Variants in PTPRD observed in about 807,000 individuals in gnomAD.
PTPRD encodes protein tyrosine phosphatase receptor type D, also known as receptor-type tyrosine-protein phosphatase delta.
Under a neutral mutation model 214.5 loss-of-function variants are expected in PTPRD, and 34 were observed. That is an observed-to-expected ratio of 0.16 (90% CI 0.12 to 0.21). The LOEUF is 0.21. PTPRD is among the 10% of genes least tolerant of loss of function. PTPRD has a pLI of 1.00. For synonymous variants in PTPRD, 1,128 were observed against 845.7 expected (o/e 1.33, Z -5.79); for missense variants, 2,545 against 2,398.7 (o/e 1.06, Z -1.27).
At chr9:10,226,842 G>A (rs1323214511) in intron 3 of PTPRD, among the ~76,000 whole-genome samples, 2 of 151,858 alleles carry the variant, frequency 1.3e-5, no homozygotes, top group Non-Finnish European at 2.9e-5. Flanking sequence ...ACGTCTAATT[G>A]CCTGTATATA....
chr9:9,647,869 C>A (rs1033290099), intron 7 of PTPRD, among the ~76,000 whole-genome samples: 1 of 152,136 alleles, frequency 6.6e-6, no homozygotes, highest in African/African-American at 2.4e-5. Context: ...TTCTCAAAAC[C>A]CTAAGATCAA....
intron 8 of PTPRD, among the ~76,000 whole-genome samples, chr9:9,566,301 T>C (rs1392720210): frequency 1.3e-5 from 2 of 152,012 alleles, no homozygotes; most frequent in African/African-American, 2.4e-5. Context: ...CTGTGATATA[T>C]ATGAAGGTAA....
intron 12 of PTPRD, among the ~76,000 whole-genome samples, chr9:8,666,017 C>A (rs1296283454): frequency 2.7e-5 from 4 of 149,922 alleles, no homozygotes; most frequent in Non-Finnish European, 3.0e-5. Context: ...ATTATTACTG[C>A]ACATTTAGGC....
chr9:9,051,295 G>A (rs1443352690), intron 10 of PTPRD, among the ~76,000 whole-genome samples: 1 of 152,088 alleles, frequency 6.6e-6, no homozygotes, highest in African/African-American at 2.4e-5. Flanking sequence ...TAAACCTGAA[G>A]GTGGTTATTT....
chr9:10,387,781 A>G (rs1459697430), intron 2 of PTPRD, among the ~76,000 whole-genome samples: 2 of 143,500 alleles, frequency 1.4e-5, no homozygotes, highest in Admixed American at 1.4e-4. Flanking sequence ...CATTACTGAT[A>G]CCTGTTGAAT....
chr9:9,163,959 G>T (rs2099896069), intron 10 of PTPRD, among the ~76,000 whole-genome samples: 1 of 152,062 alleles, frequency 6.6e-6, no homozygotes, highest in Non-Finnish European at 1.5e-5. Context: ...TCCTCAGAAA[G>T]CCCTCCTGAA....
chr9:9,067,068 C>T (rs935206469), intron 10 of PTPRD, among the ~76,000 whole-genome samples: 1 of 152,252 alleles, frequency 6.6e-6, no homozygotes, highest in African/African-American at 2.4e-5. Context: ...CATGGCAAAA[C>T]CCTATCTCTA....
At chr9:8,974,242 A>G (rs1014697617) in intron 11 of PTPRD, among the ~76,000 whole-genome samples, 1 of 152,042 alleles carries the variant, frequency 6.6e-6, no homozygotes, top group African/African-American at 2.4e-5. Context: ...AAAGGTAAAG[A>G]TCTAATTTCA....
chr9:9,923,109 C>T (rs945465708), intron 5 of PTPRD, among the ~76,000 whole-genome samples: 3 of 124,194 alleles, frequency 2.4e-5, no homozygotes, highest in Non-Finnish European at 4.7e-5. Flanking sequence ...AAAAAAAGGA[C>T]TGTGTGTGTG....
intron 4 of PTPRD, among the ~76,000 whole-genome samples, chr9:10,028,363 G>C (rs10958829): frequency 0.14 from 21,933 of 152,100 alleles, 2,053 homozygotes; most frequent in African/African-American, 0.25. Context: ...CAGTAGAGTG[G>C]AGCGCTGCTG....
chr9:8,321,811 T>C (rs1258224668), intron 44 of PTPRD, among the ~76,000 whole-genome samples: 2 of 152,002 alleles, frequency 1.3e-5, no homozygotes, highest in Non-Finnish European at 2.9e-5. Context: ...AATATGGGTA[T>C]ACACTGTTTT....
chr9:10,562,909 T>C (rs1002056931), intron 2 of PTPRD, among the ~76,000 whole-genome samples: 1 of 152,176 alleles, frequency 6.6e-6, no homozygotes, highest in Non-Finnish European at 1.5e-5. Flanking sequence ...AAGCCATATA[T>C]AGATACCCAG....
intron 7 of PTPRD, among the ~76,000 whole-genome samples, chr9:9,681,099 A>T (rs2097059378): frequency 6.6e-6 from 1 of 151,902 alleles, no homozygotes; most frequent in African/African-American, 2.4e-5. Flanking sequence ...TGTTAGAGTC[A>T]AATAAATATT....
chr9:8,656,126 C>T (rs1349547348), intron 12 of PTPRD, among the ~76,000 whole-genome samples: 1 of 152,124 alleles, frequency 6.6e-6, no homozygotes, highest in Non-Finnish European at 1.5e-5. Flanking sequence ...CCAACAGCCC[C>T]CCACAACTGA....
rs1436808095 is a variant in PTPRD, at chr9:8,518,349, G to A, written c.1042C>T (p.Pro348Ser). 1.2e-6 allele frequency: 2 copies of A among 1,614,052 alleles called. No homozygotes were observed. Among genetic ancestry groups the A allele is most frequent in the Non-Finnish European group, 1.7e-6 (2 of 1,179,994 alleles). The change falls in exon 21 of 46, where the codon CCT becomes TCT. Residue 348 changes from proline (P) to serine (S), a missense_variant. Pro to Ser is a moderately conservative substitution (Grantham distance 74). Coordinates refer to ENST00000381196, the MANE Select transcript of PTPRD (RefSeq NM_002839.4). Reference protein sequence around the residue: ...SITLTWDSGNPEPVSYYIIQH... With the variant: ...SITLTWDSGNSEPVSYYIIQH... ...ATTATGTAATAAGAAACAGGCTCAG[G>A]GTTCCCAGAGTCCCACGTCAGTGTG...
chr9:10,344,836 T>C (rs956982343), intron 2 of PTPRD, among the ~76,000 whole-genome samples: 3 of 152,178 alleles, frequency 2.0e-5, no homozygotes, highest in African/African-American at 7.2e-5. Context: ...TTGTCTGTTA[T>C]TGGAGTTATA....
intron 2 of PTPRD, among the ~76,000 whole-genome samples, chr9:10,383,642 T>C (rs1228910164): frequency 6.6e-6 from 1 of 151,674 alleles, no homozygotes; most frequent in African/African-American, 2.4e-5. Flanking sequence ...ATTACCAGAG[T>C]TATAGTGTTG....
chr9:10,196,325 A>C (rs1391829536), intron 3 of PTPRD, among the ~76,000 whole-genome samples: 2 of 152,158 alleles, frequency 1.3e-5, no homozygotes, highest in African/African-American at 2.4e-5. Context: ...CTCACTCATA[A>C]CATTTTCACT....
intron 10 of PTPRD, among the ~76,000 whole-genome samples, chr9:9,064,601 A>G (rs1381778582): frequency 1.3e-5 from 2 of 152,218 alleles, no homozygotes; most frequent in African/African-American, 4.8e-5. Context: ...CATTATATTC[A>G]AGAACTGTCC....
Sources: allele counts gnomAD v4.1 joint callset (sites outside exome capture counted in the v4.1 genomes callset), GRCh38; gene constraint gnomAD v4.1.1; transcripts MANE v1.5; gene names NCBI Gene and HGNC (gene_info 2026-07-23, HGNC 2026-07-21).